Variants in STX2 observed in about 807,000 individuals in gnomAD.
STX2 encodes syntaxin-2.
A neutral mutation model predicts 40.6 loss-of-function variants in STX2; 27 were observed. The ratio of observed to expected loss-of-function variants is 0.66; its 90% CI spans 0.49 to 0.92. The LOEUF (loss-of-function observed/expected upper bound fraction) is 0.92, where lower values mean the gene tolerates loss of function less well. STX2 is among the 40% of genes least tolerant of loss of function. The pLI is 0.00. For synonymous variants in STX2, 123 were observed against 119.1 expected, an observed-to-expected ratio of 1.03 and a Z score of -0.22; for missense variants, 328 against 366.1, an observed-to-expected ratio of 0.90 and a Z score of 0.85.
In STX2 at chr12:130,790,539, G is replaced by A. The variant is rs1001071181; in HGVS notation, c.*1484C>T. On this transcript the variant is annotated 3_prime_UTR_variant, in exon 11 of 11. Coordinates refer to ENST00000392373, the MANE Select transcript of STX2 (RefSeq NM_194356.4). The stretch of plus-strand genomic sequence containing the variant: ...AGTGATATTCTTCTACTAAAAAAAT[G>A]AGCAATAAAAAGGTTTAATTATCAT... 2.0e-5 allele frequency: 3 copies of A among 152,152 alleles called. No homozygotes were observed. Among genetic ancestry groups the A allele is most frequent in the Non-Finnish European group, 4.4e-5 (3 of 68,010 alleles). The allele number at this position is 152,152 out of a possible 1,614,324, so 9.4% of individuals were successfully genotyped here.
At chr12:130,793,267 T>C (rs963207345) in intron 10 of STX2, among the ~76,000 whole-genome samples, 18 of 152,110 alleles carry the variant, frequency 1.2e-4, no homozygotes, top group African/African-American at 4.1e-4. Context: ...ATCACGCACA[T>C]TTCCTGCAAA....
At chr12:130,833,645 A>G (rs1397217673) in intron 1 of STX2, among the ~76,000 whole-genome samples, 7 of 152,126 alleles carry the variant, frequency 4.6e-5, no homozygotes, top group African/African-American at 1.7e-4. Context: ...TCCTGACCTC[A>G]AGTGATCCTT....
intron 3 of STX2, among the ~76,000 whole-genome samples, chr12:130,818,287 T>C (rs1011008140): frequency 3.4e-5 from 5 of 146,272 alleles, no homozygotes; most frequent in African/African-American, 1.3e-4. Context: ...GGGAGGACTG[T>C]CTGAGCCCAG....
intron 3 of STX2, among the ~76,000 whole-genome samples, chr12:130,820,190 AT>A (rs1952059010): frequency 6.6e-6 from 1 of 152,194 alleles, no homozygotes; most frequent in South Asian, 2.1e-4. Flanking sequence ...ACTAACAAGC[AT>A]AAGAGCTGCA....
intron 8 of STX2, among the ~76,000 whole-genome samples, chr12:130,799,515 G>A (rs2136240005): frequency 6.6e-6 from 1 of 152,170 alleles, no homozygotes; most frequent in East Asian, 1.9e-4. Flanking sequence ...CTGGAAATAA[G>A]TAACCAATGG....
intron 2 of STX2, among the ~76,000 whole-genome samples, chr12:130,824,313 A>G (rs1952220646): frequency 6.6e-6 from 1 of 152,160 alleles, no homozygotes; most frequent in South Asian, 2.1e-4. Context: ...TGAACCCAGA[A>G]GGAGGAGGCT....
intron 3 of STX2, among the ~76,000 whole-genome samples, chr12:130,818,185 A>AAAAATATATATATATATATATAT: frequency 9.9e-5 from 7 of 70,532 alleles, no homozygotes; most frequent in East Asian, 2.7e-4. Flanking sequence ...AAAAAAAAAA[A>AAAAATATATATATATATATATAT]ATATATATAT....
At chr12:130,819,305 C>T (rs1264645187) in intron 3 of STX2, among the ~76,000 whole-genome samples, 1 of 152,174 alleles carries the variant, frequency 6.6e-6, no homozygotes, top group Non-Finnish European at 1.5e-5. Flanking sequence ...CACAGTAGTC[C>T]CCCTTCCTCC....
intron 1 of STX2, among the ~76,000 whole-genome samples, chr12:130,833,947 G>A (rs1239122975): frequency 6.6e-6 from 1 of 152,218 alleles, no homozygotes. Flanking sequence ...GTCCTGAAAA[G>A]GCTGAAGCAC....
intron 8 of STX2, 134 bp downstream of exon 8, chr12:130,801,019 C>G (rs1310675059): frequency 1.9e-5 from 18 of 956,312 alleles, no homozygotes; most frequent in Non-Finnish European, 2.5e-5. Context: ...TCACATATAA[C>G]ACTGCAATTA....
Position 130,798,551 on chromosome 12 carries a change from T to C in STX2, c.760A>G (p.Ile254Val), listed in dbSNP as rs1331830425. 6.2e-6 allele frequency: 10 copies of C among 1,604,778 alleles called. No homozygotes were observed. Among genetic ancestry groups the C allele is most frequent in the Middle Eastern group, 1.7e-4 (1 of 6,030 alleles). ...CTTCTTGCCTTGCTCTGATATTTGATAGCTTTTTTTGTTTCTTCTTTAGCG... is the reference window on the plus strand; with the variant it reads ...CTTCTTGCCTTGCTCTGATATTTGACAGCTTTTTTTGTTTCTTCTTTAGCG... ...EHAKEETKKAIKYQSKARRKK... is the reference protein window; with the variant it reads ...EHAKEETKKAVKYQSKARRKK... Residue 254 changes from isoleucine to valine, a missense_variant, in exon 9 of 11, where the codon ATC becomes GTC. Transcript: ENST00000392373.
chr12:130,836,147 C>T (rs564487090), intron 1 of STX2, among the ~76,000 whole-genome samples: 8 of 98,706 alleles, frequency 8.1e-5, no homozygotes, highest in South Asian at 3.5e-4. Context: ...TTTCCTGGGG[C>T]GGGGCGGGGG....
chr12:130,796,832 C>T (rs1593112545), intron 9 of STX2, among the ~76,000 whole-genome samples: 1 of 152,128 alleles, frequency 6.6e-6, no homozygotes, highest in South Asian at 2.1e-4. Context: ...ATGTTCTTGG[C>T]AGTTACTTCT....
At chr12:130,834,506 C>A (rs1952690310) in intron 1 of STX2, among the ~76,000 whole-genome samples, 1 of 152,146 alleles carries the variant, frequency 6.6e-6, no homozygotes, top group Non-Finnish European at 1.5e-5. Context: ...CACCACAAGG[C>A]GATAGATCTG....
Position 130,790,037 on chromosome 12 carries a change from A to G in STX2, c.*1986T>C, listed in dbSNP as rs1011747444. The G allele has an allele frequency of 1.3e-5, 2 of 152,234 alleles. No homozygotes were observed. Among genetic ancestry groups the G allele is most frequent in the Non-Finnish European group, 2.9e-5 (2 of 68,044 alleles). 9.4% of individuals were successfully genotyped at this position (152,234 alleles called of 1,614,324 possible). The stretch of plus-strand genomic sequence containing the variant: ...CAGGTCCCCCTGTGGACATGATTCC[A>G]CAGAGGCGTGGAGTCCTTTTGCCAC... On this transcript the variant is annotated 3_prime_UTR_variant, in exon 11 of 11. Transcript: ENST00000392373.
intron 4 of STX2, chr12:130,812,152 G>A (rs1442110235): frequency 4.3e-6 from 1 of 234,966 alleles, no homozygotes; most frequent in East Asian, 1.6e-4. Context: ...CCTTATTTGG[G>A]ACTCAATTCA....
chr12:130,824,205 C>G (rs953271447), intron 2 of STX2, among the ~76,000 whole-genome samples: 4 of 152,072 alleles, frequency 2.6e-5, no homozygotes, highest in African/African-American at 9.7e-5. Context: ...GCCTGGCCAG[C>G]GTGGCAAAAT....
intron 8 of STX2, among the ~76,000 whole-genome samples, 186 bp downstream of exon 8, chr12:130,800,967 G>T (rs1396064507): frequency 1.3e-5 from 2 of 152,196 alleles, no homozygotes; most frequent in Non-Finnish European, 2.9e-5. Flanking sequence ...GTCCCTTCCT[G>T]TTAACAGTTC....
intron 5 of STX2, 104 bp from the exon 6 acceptor site, chr12:130,807,194 C>G (rs1306924726): frequency 4.6e-6 from 5 of 1,086,078 alleles, no homozygotes. Context: ...TGTTATTCTG[C>G]TCCTGCAAAT....
Sources: gnomAD v4.1 joint callset for allele counts (sites outside exome capture counted in the v4.1 genomes callset) on GRCh38, gnomAD v4.1.1 for gene constraint, MANE v1.5 for transcripts, NCBI Gene and HGNC (gene_info 2026-07-23, HGNC 2026-07-21) for gene names.